Variants in COL23A1 observed in about 807,000 individuals in gnomAD.
COL23A1 encodes the protein collagen type XXIII alpha 1 chain.
In COL23A1, 97 loss-of-function variants were observed where a neutral mutation model predicts 99.3. That is an observed-to-expected ratio of 0.98 (90% CI 0.83 to 1.16). The LOEUF (loss-of-function observed/expected upper bound fraction) is 1.16, where lower values mean the gene tolerates loss of function less well. Ranked by LOEUF, COL23A1 falls within the 50% of genes most tolerant of loss-of-function variation. COL23A1 has a pLI of 0.00. For synonymous variants in COL23A1, 320 were observed against 308.2 expected, an observed-to-expected ratio of 1.04 and a Z score of -0.40; for missense variants, 762 against 757.4, an observed-to-expected ratio of 1.01 and a Z score of -0.07.
chr5:178,429,507 G>A (rs17081230), intron 2 of COL23A1, among the ~76,000 whole-genome samples: 15,870 of 152,218 alleles, frequency 0.1, 1,129 homozygotes, highest in African/African-American at 0.2. Context: ...CTGCAGTGTC[G>A]CATGCTTACT....
intron 2 of COL23A1, among the ~76,000 whole-genome samples, chr5:178,391,067 A>C (rs1763939147): frequency 6.6e-6 from 1 of 152,214 alleles, no homozygotes; most frequent in Non-Finnish European, 1.5e-5. Flanking sequence ...TTACCGCCTG[A>C]GCTCCACCTT....
chr5:178,268,711 A>G lies in COL23A1; in HGVS notation c.495+19T>C, dbSNP rs954939659. On this transcript the variant is annotated intron_variant, in intron 7 of 28. Transcript: ENST00000390654. ...CTTCGCCTGCCTACCACATCTGCAC[A>G]GCCTCTGGCATCACTTACCTTTTCC... is the stretch of plus-strand genomic sequence containing the variant. 1 of 1,601,544 alleles carries G rather than the reference A, an allele frequency of 6.2e-7. No individual in the cohort carries two copies. Among genetic ancestry groups the G allele is most frequent in the Non-Finnish European group, 8.5e-7 (1 of 1,172,090 alleles).
At chr5:178,573,755 T>A (rs772877563) in intron 1 of COL23A1, among the ~76,000 whole-genome samples, 1 of 152,158 alleles carries the variant, frequency 6.6e-6, no homozygotes, top group Non-Finnish European at 1.5e-5. Context: ...TACTCTATAA[T>A]ACAAAGAGTT....
intron 2 of COL23A1, among the ~76,000 whole-genome samples, chr5:178,469,158 C>T (rs754142012): frequency 2.6e-5 from 4 of 152,196 alleles, no homozygotes; most frequent in Admixed American, 6.5e-5. Flanking sequence ...CTGATAAACA[C>T]GTGGGTTGCT....
At chr5:178,392,550 C>T (rs185621150) in intron 2 of COL23A1, among the ~76,000 whole-genome samples, 11 of 152,304 alleles carry the variant, frequency 7.2e-5, no homozygotes, top group African/African-American at 2.4e-4. Context: ...CACAGAAGCA[C>T]AAAGGGACAG....
intron 3 of COL23A1, among the ~76,000 whole-genome samples, chr5:178,300,934 A>G (rs1019630838): frequency 6.6e-6 from 1 of 152,104 alleles, no homozygotes; most frequent in African/African-American, 2.4e-5. Context: ...TGAGTTTATC[A>G]TCCTTGGAGT....
chr5:178,287,547 G>A (rs952997922), intron 5 of COL23A1, among the ~76,000 whole-genome samples: 6 of 151,938 alleles, frequency 3.9e-5, no homozygotes, highest in South Asian at 2.1e-4. Flanking sequence ...CCTCTCCTCC[G>A]CTGCAGGACC....
At chr5:178,302,124 CGG>C (rs1758087582) in intron 3 of COL23A1, among the ~76,000 whole-genome samples, 5 of 131,842 alleles carry the variant, frequency 3.8e-5, no homozygotes, top group African/African-American at 1.5e-4. Flanking sequence ...CTGTGTGCGC[CGG>C]AGCACGGCTT....
intron 2 of COL23A1, among the ~76,000 whole-genome samples, chr5:178,514,245 TC>T (rs1185893527): frequency 6.6e-6 from 1 of 152,174 alleles, no homozygotes. Context: ...AGAATCTCCT[TC>T]CTTTTTAAGG....
chr5:178,383,125 C>T (rs1763473653), intron 2 of COL23A1, among the ~76,000 whole-genome samples: 1 of 152,102 alleles, frequency 6.6e-6, no homozygotes, highest in Admixed American at 6.5e-5. Flanking sequence ...CTTGTCAGAA[C>T]CCAGGCTGCT....
chr5:178,380,211 T>C (rs1000644617), intron 2 of COL23A1, among the ~76,000 whole-genome samples: 5 of 152,218 alleles, frequency 3.3e-5, no homozygotes, highest in African/African-American at 1.2e-4. Flanking sequence ...AATGGGTCAA[T>C]TGCTGCCTAG....
chr5:178,364,515 C>A (rs1200701225), intron 2 of COL23A1, among the ~76,000 whole-genome samples: 7 of 150,674 alleles, frequency 4.6e-5, no homozygotes, highest in Non-Finnish European at 1.0e-4. Flanking sequence ...GCTTGTTCAT[C>A]TGGTGGAGTT....
intron 1 of COL23A1, among the ~76,000 whole-genome samples, chr5:178,583,671 AAACT>A (rs1427671519): frequency 6.6e-6 from 1 of 152,232 alleles, no homozygotes; most frequent in African/African-American, 2.4e-5. Flanking sequence ...TGGAAAACAG[AAACT>A]AACACTAAGG....
chr5:178,379,762 TC>T (rs1220050328), intron 2 of COL23A1, among the ~76,000 whole-genome samples: 1 of 151,548 alleles, frequency 6.6e-6, no homozygotes, highest in African/African-American at 2.4e-5. Context: ...ATGCCTGTAA[TC>T]CCAGCTACTA....
chr5:178,249,310 C>T, intron 18 of COL23A1, 104 bp from the exon 19 acceptor site: 1 of 1,115,456 alleles, frequency 9.0e-7, no homozygotes, highest in South Asian at 1.3e-5. Context: ...CCCACTTTCT[C>T]TTTGTGGGTC....
intron 2 of COL23A1, among the ~76,000 whole-genome samples, chr5:178,418,536 G>A (rs1029077612): frequency 2.0e-5 from 3 of 152,214 alleles, no homozygotes; most frequent in African/African-American, 7.2e-5. Flanking sequence ...CCTGGTATCG[G>A]CCTGCTGCCC....
At chr5:178,438,701 T>C (rs1053454097) in intron 2 of COL23A1, 1 of 147,342 alleles carries the variant, frequency 6.8e-6, no homozygotes, top group African/African-American at 2.7e-5. Flanking sequence ...AAAAATAATC[T>C]GTACATTGAG....
At chr5:178,574,761 T>C (rs1581665800) in intron 1 of COL23A1, among the ~76,000 whole-genome samples, 1 of 146,354 alleles carries the variant, frequency 6.8e-6, no homozygotes, top group Middle Eastern at 3.5e-3. Flanking sequence ...TCCCACTTCA[T>C]GAATGCTAAA....
In COL23A1 at chr5:178,560,706, GA is replaced by G. The variant is rs1562091029; in HGVS notation, c.336del (p.Pro113HisfsTer196). 2 of 1,613,074 alleles carry G rather than the reference GA, an allele frequency of 1.2e-6. No individual in the cohort carries two copies. The highest frequency in any genetic ancestry group is 3.3e-5 in the Admixed American group (2 of 59,898). ...CCTGGGGGGCAGACACATTCGGATG[GA>G]GCTTCCCGAGCAGTCCGGATCTTCG... Reference protein sequence around the residue: ...GLAKIRTAREAPSECVCPPGP... With the variant: ...GLAKIRTAREXPSECVCPPGP... On this transcript the variant is annotated frameshift_variant, in exon 2 of 29. Transcript: ENST00000390654. LOFTEE classifies it high-confidence loss of function.
Sources: gnomAD v4.1 joint callset for allele counts (sites outside exome capture counted in the v4.1 genomes callset) on GRCh38, gnomAD v4.1.1 for gene constraint, MANE v1.5 for transcripts, NCBI Gene and HGNC (gene_info 2026-07-23, HGNC 2026-07-21) for gene names.